NRF1: variants seen among roughly 807,000 people sequenced by gnomAD.
NRF1 encodes alpha palindromic-binding protein.
Under a neutral mutation model 58.5 loss-of-function variants are expected in NRF1, and 5 were observed. The observed-to-expected ratio is 0.09, with a 90% confidence interval of 0.04 to 0.18. NRF1 has a LOEUF of 0.18. NRF1 is among the 10% of genes least tolerant of loss of function. The pLI is 1.00. For missense variants in NRF1, 288 were observed against 657.7 expected, an observed-to-expected ratio of 0.44 and a Z score of 6.15; for synonymous variants, 224 against 246.7, an observed-to-expected ratio of 0.91 and a Z score of 0.86.
chr7:129,652,619 C>T (rs995453203), intron 1 of NRF1, among the ~76,000 whole-genome samples: 4 of 152,026 alleles, frequency 2.6e-5, no homozygotes, highest in African/African-American at 9.7e-5. Context: ...TTATTTGAGA[C>T]GGAGTCTCGC....
At chr7:129,655,323 C>T (rs1169909734) in intron 1 of NRF1, among the ~76,000 whole-genome samples, 1 of 151,974 alleles carries the variant, frequency 6.6e-6, no homozygotes, top group African/African-American at 2.4e-5. Context: ...CTTACTAGTT[C>T]CAGGAGTTTT....
intron 1 of NRF1, among the ~76,000 whole-genome samples, chr7:129,613,805 C>T (rs1358128607): frequency 5.1e-5 from 1 of 19,454 alleles, no homozygotes; most frequent in Admixed American, 6.6e-4. Context: ...GGGGCGGGGG[C>T]GGGGGCTGCC....
At chr7:129,753,634 G>A (rs1167471733) in intron 10 of NRF1, among the ~76,000 whole-genome samples, 1 of 151,950 alleles carries the variant, frequency 6.6e-6, no homozygotes, top group Admixed American at 6.6e-5. Flanking sequence ...TCCCTTTTTA[G>A]GCAGGACTAC....
At chr7:129,634,001 G>A (rs73159612) in intron 1 of NRF1, among the ~76,000 whole-genome samples, 27,934 of 143,440 alleles carry the variant, frequency 0.19, 2,989 homozygotes, top group East Asian at 0.48. Flanking sequence ...GATTTTTTAA[G>A]GGAATATTGT....
At chr7:129,733,578 C>T (rs2116271567) in intron 10 of NRF1, among the ~76,000 whole-genome samples, 1 of 152,294 alleles carries the variant, frequency 6.6e-6, no homozygotes, top group South Asian at 2.1e-4. Flanking sequence ...TTCTCCTCTG[C>T]TTCTACCCCA....
chr7:129,625,082 G>A (rs939672201), intron 1 of NRF1, among the ~76,000 whole-genome samples: 3 of 152,142 alleles, frequency 2.0e-5, no homozygotes, highest in Admixed American at 6.5e-5. Flanking sequence ...CGCTCCCTCA[G>A]GAGACTCTGG....
intron 3 of NRF1, among the ~76,000 whole-genome samples, chr7:129,673,712 G>A (rs1240863393): frequency 1.6e-4 from 9 of 56,008 alleles, no homozygotes; most frequent in East Asian, 1.1e-3. Context: ...GCGAGACTCC[G>A]TCTCAAAAAA....
chr7:129,699,386 T>C (rs758501325), intron 5 of NRF1, among the ~76,000 whole-genome samples: 13 of 152,106 alleles, frequency 8.5e-5, no homozygotes, highest in Non-Finnish European at 1.9e-4. Context: ...AAGGAAAATA[T>C]TGGGTTTCTA....
intron 1 of NRF1, among the ~76,000 whole-genome samples, chr7:129,645,579 C>A (rs1052718652): frequency 6.6e-6 from 1 of 152,176 alleles, no homozygotes; most frequent in Non-Finnish European, 1.5e-5. Flanking sequence ...GTCAAAGGTA[C>A]CATTGCTACC....
At chr7:129,753,314 T>A (rs981515571) in intron 10 of NRF1, among the ~76,000 whole-genome samples, 3 of 152,198 alleles carry the variant, frequency 2.0e-5, no homozygotes, top group Admixed American at 2.0e-4. Context: ...GTCTGGATGT[T>A]GGGGTTGGTC....
intron 5 of NRF1, among the ~76,000 whole-genome samples, chr7:129,692,001 T>C (rs1802580862): frequency 6.6e-6 from 1 of 152,160 alleles, no homozygotes; most frequent in Admixed American, 6.5e-5. Context: ...GTTCCCCATA[T>C]CAGTTAATCG....
chr7:129,704,632 A>C (rs1339040394), intron 5 of NRF1, among the ~76,000 whole-genome samples: 1 of 152,208 alleles, frequency 6.6e-6, no homozygotes, highest in African/African-American at 2.4e-5. Context: ...ACCTAGTGAG[A>C]TATCTTGGGG....
chr7:129,648,949 G>T (rs1801474730), intron 1 of NRF1, among the ~76,000 whole-genome samples: 1 of 150,728 alleles, frequency 6.6e-6, no homozygotes. Context: ...AGAGCCCAGT[G>T]GTGTGGGAGG....
In NRF1 at chr7:129,750,059, T is replaced by C. The variant is rs572809237; in HGVS notation, c.1349-4959T>C. The stretch of plus-strand genomic sequence containing the variant: ...GGGTCTCAGCAGAAGTCAAGTGACA[T>C]GCAGCGGGGGTGAGAGGGCTCAGAA... On this transcript the variant is annotated intron_variant, in intron 10 of 10. Coordinates refer to ENST00000393232, the MANE Select transcript of NRF1 (RefSeq NM_005011.5). Among the ~76,000 whole-genome samples, 3 of 152,114 alleles carry C rather than the reference T, an allele frequency of 2.0e-5. No homozygotes were observed. The East Asian group carries it at 5.8e-4, about 29-fold the overall frequency.
chr7:129,734,360 CTG>C (rs1803655765), intron 10 of NRF1, among the ~76,000 whole-genome samples: 1 of 152,242 alleles, frequency 6.6e-6, no homozygotes, highest in South Asian at 2.1e-4. Context: ...TTCCAAACCA[CTG>C]TACTACACTG....
intron 5 of NRF1, among the ~76,000 whole-genome samples, chr7:129,696,398 C>T (rs1284054282): frequency 6.6e-6 from 1 of 152,130 alleles, no homozygotes; most frequent in Non-Finnish European, 1.5e-5. Context: ...TGTTGGAAGG[C>T]ACATTACTAA....
chr7:129,684,676 A>G (rs1004360678), intron 4 of NRF1, among the ~76,000 whole-genome samples: 12 of 152,190 alleles, frequency 7.9e-5, no homozygotes, highest in African/African-American at 2.7e-4. Context: ...CTAATGATTA[A>G]TGATAAATAA....
chr7:129,710,661 A>T (rs1803051954), intron 7 of NRF1, 90 bp downstream of exon 7: 3 of 750,690 alleles, frequency 4.0e-6, no homozygotes, highest in Non-Finnish European at 7.3e-6. Context: ...CCTTTGTGCG[A>T]ACTCTTGTAT....
intron 10 of NRF1, 79 bp from the exon 11 acceptor site, chr7:129,754,939 G>A: frequency 2.1e-6 from 3 of 1,427,556 alleles, no homozygotes; most frequent in Non-Finnish European, 1.9e-6. Context: ...TCAAAGGCAA[G>A]ACTTGGGTGC....
Sources: gnomAD v4.1 joint callset for allele counts (sites outside exome capture counted in the v4.1 genomes callset) on GRCh38, gnomAD v4.1.1 for gene constraint, MANE v1.5 for transcripts, NCBI Gene and HGNC (gene_info 2026-07-23, HGNC 2026-07-21) for gene names.